SYNE1: variants seen among roughly 807,000 people sequenced by gnomAD.
SYNE1 encodes spectrin repeat containing nuclear envelope protein 1, also known as nesprin-1.
A neutral mutation model predicts 1,111.0 loss-of-function variants in SYNE1; 616 were observed. The ratio of observed to expected loss-of-function variants is 0.55; its 90% CI spans 0.52 to 0.59. The LOEUF is 0.59. Among genes scored for constraint, SYNE1 ranks in the 20% least tolerant of loss-of-function variants. The pLI, the probability that SYNE1 is intolerant of heterozygous loss-of-function variation, is 0.00. For missense variants in SYNE1, 10,006 were observed against 10,417.0 expected (o/e 0.96, Z 1.72); for synonymous variants, 3,855 against 3,825.8 (o/e 1.01, Z -0.28).
chr6:152,467,631 C>A (rs987235676), intron 16 of SYNE1, among the ~76,000 whole-genome samples: 8 of 151,984 alleles, frequency 5.3e-5, no homozygotes, highest in Non-Finnish European at 4.4e-5. Context: ...TAAAAATGAA[C>A]AAGTGAGAAA....
At chr6:152,449,055 G>C (rs1194231687) in intron 28 of SYNE1, among the ~76,000 whole-genome samples, 1 of 152,200 alleles carries the variant, frequency 6.6e-6, no homozygotes, top group Non-Finnish European at 1.5e-5. Context: ...TGTGGCCCTG[G>C]TGGGGTTTTT....
chr6:152,287,619 T>G (rs938813202), intron 95 of SYNE1, among the ~76,000 whole-genome samples: 3 of 152,218 alleles, frequency 2.0e-5, no homozygotes, highest in African/African-American at 7.2e-5. Context: ...AGATCTTGGC[T>G]CACTGCAACC....
At chr6:152,310,169 C>A in intron 89 of SYNE1, 152 bp from the exon 90 acceptor site, 1 of 1,195,688 alleles carries the variant, frequency 8.4e-7, no homozygotes, top group Non-Finnish European at 1.2e-6. Context: ...GGGCTGGACA[C>A]AGTGGTTCAC....
intron 93 of SYNE1, among the ~76,000 whole-genome samples, chr6:152,295,481 AT>A (rs764146974): frequency 1.1e-4 from 17 of 152,204 alleles, no homozygotes; most frequent in Non-Finnish European, 2.4e-4. Flanking sequence ...ACTTGTAGTT[AT>A]GTCTGAAGTT....
At chr6:152,436,204 A>G in intron 32 of SYNE1, 103 bp from the exon 33 acceptor site, 2 of 1,222,298 alleles carry the variant, frequency 1.6e-6, no homozygotes, top group Non-Finnish European at 2.3e-6. Flanking sequence ...GTGGATGAAG[A>G]CATAGAGTCA....
intron 60 of SYNE1, 141 bp from the exon 61 acceptor site, chr6:152,369,268 C>A: frequency 1.5e-6 from 2 of 1,339,104 alleles, no homozygotes; most frequent in Non-Finnish European, 2.1e-6. Flanking sequence ...ATCTACACAC[C>A]GTGGAGCACA....
At chr6:152,609,593 T>C (rs974375656) in intron 3 of SYNE1, among the ~76,000 whole-genome samples, 3 of 152,188 alleles carry the variant, frequency 2.0e-5, no homozygotes, top group Non-Finnish European at 2.9e-5. Context: ...TAAATGTCCC[T>C]GTCTAACAGC....
Position 152,300,736 on chromosome 6 carries a change from C to T in SYNE1, c.17587G>A (p.Glu5863Lys). 1 of 1,614,204 alleles carries T rather than the reference C, an allele frequency of 6.2e-7. No homozygotes were observed. Among genetic ancestry groups the T allele is most frequent in the East Asian group, 2.2e-5 (1 of 44,882 alleles). Residue 5863 changes from glutamate (E) to lysine (K), a missense_variant, in exon 93 of 146, where the codon GAG (glutamate) becomes AAG (lysine). Physicochemically the swap from Glu to Lys is moderately conservative, Grantham distance 56. Coordinates refer to ENST00000367255, the MANE Select transcript of SYNE1 (RefSeq NM_182961.4). ...CHTLLSPVTE[E>K]SGEEGTNSEI... is the part of the protein sequence containing the mutation. ...CTGTTGGTTCCCTCCTCCCCAGACT[C>T]CTCAGTGACCGGTGACAGCAAAGTG... is the stretch of plus-strand genomic sequence containing the variant.
intron 128 of SYNE1, among the ~76,000 whole-genome samples, chr6:152,188,246 G>A (rs983743678): frequency 5.9e-5 from 9 of 152,156 alleles, no homozygotes; most frequent in Non-Finnish European, 1.3e-4. Flanking sequence ...TCGGGGTATA[G>A]AAGTAACAAA....
chr6:152,346,654 C>CA (rs917846761), intron 73 of SYNE1, among the ~76,000 whole-genome samples: 1 of 151,634 alleles, frequency 6.6e-6, no homozygotes, highest in African/African-American at 2.4e-5. Context: ...ACTAAAAATA[C>CA]AAAAAATTAG....
At chr6:152,133,693 G>T in intron 142 of SYNE1, 1 of 599,768 alleles carries the variant, frequency 1.7e-6, no homozygotes, top group East Asian at 2.8e-5. Context: ...ACCCCTGACC[G>T]TCTCTGATCT....
intron 29 of SYNE1, among the ~76,000 whole-genome samples, chr6:152,446,443 G>A (rs905109814): frequency 6.6e-6 from 1 of 151,958 alleles, no homozygotes; most frequent in Non-Finnish European, 1.5e-5. Context: ...AACTAAAATC[G>A]TAAGCAGTTC....
intron 41 of SYNE1, among the ~76,000 whole-genome samples, chr6:152,415,457 A>G (rs1294353544): frequency 6.6e-6 from 1 of 152,144 alleles, no homozygotes; most frequent in Non-Finnish European, 1.5e-5. Context: ...CCTCTACAAG[A>G]GAACTGTTTC....
intron 91 of SYNE1, among the ~76,000 whole-genome samples, chr6:152,302,490 C>T (rs1379777237): frequency 6.6e-6 from 1 of 152,214 alleles, no homozygotes; most frequent in African/African-American, 2.4e-5. Flanking sequence ...AAAAAAAATG[C>T]AAGGCTCAGC....
intron 128 of SYNE1, among the ~76,000 whole-genome samples, chr6:152,182,866 G>C (rs1432000384): frequency 6.6e-6 from 1 of 152,160 alleles, no homozygotes; most frequent in African/African-American, 2.4e-5. Context: ...ATCTTTTAAA[G>C]TAAAAGTTTT....
intron 145 of SYNE1, among the ~76,000 whole-genome samples, chr6:152,130,320 T>C (rs1269427078): frequency 6.6e-6 from 1 of 152,234 alleles, no homozygotes; most frequent in East Asian, 1.9e-4. Flanking sequence ...TATTCAGATA[T>C]GCGGGTTTTG....
Position 152,531,524 on chromosome 6 carries a change from G to A in SYNE1, c.130-5349C>T, listed in dbSNP as rs573910972. The stretch of plus-strand genomic sequence containing the variant: ...TGCTAAAATACACATAATATAAAAT[G>A]TGCCATGTTAATCTTCTTAAGCATA... On this transcript the variant is annotated intron_variant, in intron 4 of 145. Transcript: ENST00000367255. 5.3e-5 allele frequency among the ~76,000 whole-genome samples: 8 copies of A among 152,258 alleles called. No individual in the cohort carries two copies. The South Asian group carries it at 1.7e-3, about 32-fold the overall frequency.
chr6:152,419,863 CT>C (rs2098226267), intron 39 of SYNE1, 141 bp from the exon 40 acceptor site: 1 of 828,380 alleles, frequency 1.2e-6, no homozygotes, highest in African/African-American at 1.7e-5. Context: ...ATATTTTTTA[CT>C]TCCCAAACCC....
rs1356026726 is a variant in SYNE1 at position 152,317,505 on chromosome 6, C to CTATA, written c.16573-520_16573-519insTATA. ...TACTAGGATTATAGGTATGAGCCAC[C>CTATA]ATGCCAGGCCTTCCTCTATCCCTTC... On this transcript the variant is annotated intron_variant, in intron 86 of 145. Coordinates refer to ENST00000367255, the MANE Select transcript of SYNE1 (RefSeq NM_182961.4). Among the ~76,000 whole-genome samples, 5 of 152,246 alleles carry CTATA rather than the reference C, an allele frequency of 3.3e-5. No homozygotes were observed. The East Asian group carries it at 9.7e-4, about 29-fold the overall frequency.
Sources: allele counts gnomAD v4.1 joint callset (sites outside exome capture counted in the v4.1 genomes callset), GRCh38; gene constraint gnomAD v4.1.1; transcripts MANE v1.5; gene names NCBI Gene and HGNC (gene_info 2026-07-23, HGNC 2026-07-21).